Variants in DIP2C observed in about 807,000 individuals in gnomAD.
DIP2C encodes the protein DIP2 acetate--CoA ligase C (putative), also known as disco-interacting protein 2 homolog C.
Under a neutral mutation model 192.4 loss-of-function variants are expected in DIP2C, and 33 were observed. That is an observed-to-expected ratio of 0.17 (90% confidence interval 0.13 to 0.23). The LOEUF is 0.23. Ranked by LOEUF, DIP2C falls within the 10% of genes least tolerant of loss-of-function variation. DIP2C has a pLI of 1.00. For missense variants in DIP2C, 1,537 were observed against 2,110.1 expected (o/e 0.73, Z 5.32); for synonymous variants, 979 against 864.1 (o/e 1.13, Z -2.33).
In DIP2C at chr10:363,638, C is replaced by A. The variant is rs1381278925; in HGVS notation, c.2478-327G>T. On this transcript the variant is annotated intron_variant, in intron 20 of 36. Coordinates refer to ENST00000280886, the MANE Select transcript of DIP2C (RefSeq NM_014974.3). This position sits in a 1 kb window ranked among gnomAD's most constrained non-coding sequence, Gnocchi z 5.4. ...ACCTGCTGAAATTTAGGGAGTCACACCCTTCACAGCTCGAGTTTGCACCCG... is the reference window on the plus strand; with the variant it reads ...ACCTGCTGAAATTTAGGGAGTCACAACCTTCACAGCTCGAGTTTGCACCCG... 6.6e-6 allele frequency among the ~76,000 whole-genome samples: 1 copy of A among 152,210 alleles called. No individual in the cohort carries two copies. The highest frequency in any genetic ancestry group is 1.5e-5 in the Non-Finnish European group (1 of 68,042).
intron 1 of DIP2C, among the ~76,000 whole-genome samples, chr10:530,368 T>C (rs1321687436): frequency 2.6e-5 from 4 of 152,122 alleles, no homozygotes; most frequent in Non-Finnish European, 5.9e-5. Flanking sequence ...AATCACCTAA[T>C]GCCCATTTTG....
intron 24 of DIP2C, among the ~76,000 whole-genome samples, chr10:349,658 T>G (rs368995838): frequency 9.2e-5 from 14 of 152,322 alleles, no homozygotes; most frequent in African/African-American, 3.4e-4. Flanking sequence ...AGAGGTCAAC[T>G]CCATTTTCTT....
chr10:372,872 G>C (rs1961159233), intron 17 of DIP2C, among the ~76,000 whole-genome samples: 1 of 152,020 alleles, frequency 6.6e-6, no homozygotes. Context: ...CACAGACGTG[G>C]TGTTTGGGGC....
chr10:442,297 C>T (rs548331007), intron 3 of DIP2C, among the ~76,000 whole-genome samples: 99 of 152,266 alleles, frequency 6.5e-4, no homozygotes, highest in African/African-American at 2.2e-3. Context: ...CCAGACCCGC[C>T]GCATCACGCC....
chr10:319,037 C>A (rs1048051493), intron 31 of DIP2C, among the ~76,000 whole-genome samples: 4 of 151,928 alleles, frequency 2.6e-5, no homozygotes, highest in Admixed American at 2.6e-4. Context: ...CTCAGCCTCC[C>A]GAGTAGCTGG....
intron 1 of DIP2C, among the ~76,000 whole-genome samples, chr10:494,971 G>A (rs1383425169): frequency 2.0e-5 from 3 of 152,226 alleles, no homozygotes; most frequent in Non-Finnish European, 4.4e-5. Context: ...TCACTTCGAT[G>A]TGGAATTGAC....
chr10:423,057 G>A (rs1308042931), intron 4 of DIP2C, 24 bp from the exon 5 acceptor site: 2 of 1,563,798 alleles, frequency 1.3e-6, no homozygotes, highest in East Asian at 2.3e-5. Flanking sequence ...AAGGTGATTT[G>A]CTGTATGTTG....
At chr10:580,274 G>A (rs1036233568) in intron 1 of DIP2C, among the ~76,000 whole-genome samples, 5 of 152,052 alleles carry the variant, frequency 3.3e-5, no homozygotes, top group Admixed American at 2.0e-4. Context: ...GCAGTACATA[G>A]TGTATGTACA....
intron 3 of DIP2C, among the ~76,000 whole-genome samples, chr10:441,691 C>T (rs1008016920): frequency 6.6e-6 from 1 of 152,180 alleles, no homozygotes; most frequent in African/African-American, 2.4e-5. Flanking sequence ...TGAGGCCTCC[C>T]CAGCCATGCG....
chr10:599,481 A>C (rs148240977), intron 1 of DIP2C, among the ~76,000 whole-genome samples: 5 of 152,370 alleles, frequency 3.3e-5, no homozygotes, highest in Middle Eastern at 3.4e-3. Context: ...ATGGAAGTAT[A>C]ATCATGTCAC....
chr10:388,407 G>A (rs1051153354), intron 13 of DIP2C, among the ~76,000 whole-genome samples: 8 of 152,158 alleles, frequency 5.3e-5, no homozygotes, highest in Admixed American at 3.3e-4. Flanking sequence ...GCTTTCTCCC[G>A]AAGTCACCTG....
At chr10:514,455 C>T (rs1393293689) in intron 1 of DIP2C, among the ~76,000 whole-genome samples, 1 of 152,200 alleles carries the variant, frequency 6.6e-6, no homozygotes, top group Non-Finnish European at 1.5e-5. Context: ...GAGGAATTTA[C>T]ACTGCAACCC....
At chr10:376,863 G>A (rs960569103) in intron 17 of DIP2C, among the ~76,000 whole-genome samples, 3 of 152,266 alleles carry the variant, frequency 2.0e-5, no homozygotes, top group Non-Finnish European at 1.5e-5. Context: ...GCACCGCGAG[G>A]GGAAATTCAG....
chr10:393,814 AAAAAGG>A (rs1438773127), intron 10 of DIP2C, among the ~76,000 whole-genome samples: 16 of 147,458 alleles, frequency 1.1e-4, no homozygotes, highest in South Asian at 2.1e-4. Context: ...AAAGAAAAAG[AAAAAGG>A]AAAAGGAAAA....
intron 1 of DIP2C, among the ~76,000 whole-genome samples, chr10:613,339 C>A (rs557160612): frequency 6.6e-6 from 1 of 152,118 alleles, no homozygotes; most frequent in Non-Finnish European, 1.5e-5. Context: ...CAGTGCAGTG[C>A]GATTTTCTAT....
chr10:615,891 G>A (rs930094450), intron 1 of DIP2C, among the ~76,000 whole-genome samples: 16 of 152,266 alleles, frequency 1.1e-4, no homozygotes, highest in African/African-American at 2.9e-4. Flanking sequence ...TTTGCCGGCC[G>A]TCTTACTCTA....
chr10:512,563 C>T (rs776988690), intron 1 of DIP2C, among the ~76,000 whole-genome samples: 11 of 151,238 alleles, frequency 7.3e-5, no homozygotes, highest in Non-Finnish European at 1.0e-4. Flanking sequence ...CCAGCCTGGG[C>T]GACAGAGTGA....
At chr10:425,018 TACGACACGG>T (rs1966486897) in intron 4 of DIP2C, among the ~76,000 whole-genome samples, 1 of 141,776 alleles carries the variant, frequency 7.1e-6, no homozygotes. Flanking sequence ...CGGTGACTAA[TACGACACGG>T]ATGATACAGC....
In DIP2C at chr10:415,951, TCCCACAGTCCCACAGC is replaced by T. The variant is rs977908118; in HGVS notation, c.740-79_740-64del. 1.0e-5 allele frequency: 16 copies of T among 1,599,016 alleles called. No homozygotes were observed. The African/African-American group carries it at 1.7e-4, about 17-fold the overall frequency. On this transcript the variant is annotated intron_variant, in intron 6 of 36. Coordinates refer to ENST00000280886, the MANE Select transcript of DIP2C (RefSeq NM_014974.3). ...TCACAGCTTCAATGAGCACCCACAGTCCCACAGTCCCACAGCCCCCTCCCCAGCGCGGCTACAACAG... is the reference window on the plus strand; with the variant it reads ...TCACAGCTTCAATGAGCACCCACAGTCCCCTCCCCAGCGCGGCTACAACAG...
Sources: gnomAD v4.1 joint callset for allele counts (sites outside exome capture counted in the v4.1 genomes callset) on GRCh38, gnomAD v4.1.1 for gene constraint, Gnocchi (gnomAD v3.1) non-coding constraint, MANE v1.5 for transcripts, NCBI Gene and HGNC (gene_info 2026-07-23, HGNC 2026-07-21) for gene names.